Variants in ENTREP2 observed in about 807,000 individuals in gnomAD.
The protein encoded by ENTREP2 is protein ENTREP2.
At chr15:29,409,772 T>C in the ENTREP2 span, among the ~76,000 whole-genome samples, 1 of 152,130 alleles carries the variant, frequency 6.6e-6, no homozygotes, top group Non-Finnish European at 1.5e-5. Flanking sequence ...ATATTCTGTG[T>C]CTTTCGATGT....
At chr15:29,157,594 A>G in the ENTREP2 span, among the ~76,000 whole-genome samples, 2 of 152,198 alleles carry the variant, frequency 1.3e-5, no homozygotes, top group Non-Finnish European at 2.9e-5. Context: ...GCTTTAGCAC[A>G]TTTTTGAGCA....
the ENTREP2 span, among the ~76,000 whole-genome samples, chr15:29,665,669 C>T: frequency 6.6e-6 from 1 of 152,130 alleles, no homozygotes; most frequent in Non-Finnish European, 1.5e-5. Context: ...CCATTCCTCA[C>T]GCAGGCAGCA....
At chr15:29,444,187 AAAG>A in the ENTREP2 span, among the ~76,000 whole-genome samples, 3 of 92,460 alleles carry the variant, frequency 3.2e-5, no homozygotes, top group African/African-American at 1.3e-4. Flanking sequence ...AGAAAGAAAG[AAAG>A]AAAGAAAGAA....
At chr15:29,651,438 A>G in the ENTREP2 span, among the ~76,000 whole-genome samples, 1 of 152,222 alleles carries the variant, frequency 6.6e-6, no homozygotes, top group Non-Finnish European at 1.5e-5. Flanking sequence ...AGCTGCCAAG[A>G]TGCCAGCTGC....
chr15:29,295,589 A>G, the ENTREP2 span, among the ~76,000 whole-genome samples: 1 of 152,218 alleles, frequency 6.6e-6, no homozygotes, highest in East Asian at 1.9e-4. Context: ...TTAAGCAAAT[A>G]AGAGAATAAC....
At chr15:29,450,845 G>T in the ENTREP2 span, among the ~76,000 whole-genome samples, 3 of 152,154 alleles carry the variant, frequency 2.0e-5, no homozygotes, top group African/African-American at 7.2e-5. Flanking sequence ...GCAAATTAAT[G>T]CAGGAACAGA....
At chr15:29,673,137 C>T in the ENTREP2 span, among the ~76,000 whole-genome samples, 1 of 152,050 alleles carries the variant, frequency 6.6e-6, no homozygotes, top group African/African-American at 2.4e-5. Flanking sequence ...TTTTAGCATG[C>T]TAAACATTAT....
At chr15:29,325,561 T>C in the ENTREP2 span, among the ~76,000 whole-genome samples, 299 of 152,218 alleles carry the variant, frequency 2.0e-3, 2 homozygotes, top group African/African-American at 7.0e-3. Context: ...GAGAACTAGA[T>C]CGTCTGAACA....
the ENTREP2 span, among the ~76,000 whole-genome samples, chr15:29,372,120 G>A: frequency 1.3e-5 from 2 of 152,042 alleles, no homozygotes; most frequent in African/African-American, 4.8e-5. Flanking sequence ...AAATACAGTT[G>A]GTTCTTGAAC....
the ENTREP2 span, among the ~76,000 whole-genome samples, chr15:29,331,256 G>A: frequency 2.0e-5 from 3 of 152,178 alleles, no homozygotes; most frequent in Non-Finnish European, 4.4e-5. Context: ...AATAGCTGAC[G>A]TCTGTGCCGC....
At chr15:29,382,099 C>T in the ENTREP2 span, among the ~76,000 whole-genome samples, 2 of 152,208 alleles carry the variant, frequency 1.3e-5, no homozygotes, top group South Asian at 2.1e-4. Flanking sequence ...ACACCCCACC[C>T]TGGTCCTCGA....
At chr15:29,643,431 A>C in the ENTREP2 span, among the ~76,000 whole-genome samples, 2 of 152,106 alleles carry the variant, frequency 1.3e-5, no homozygotes. Context: ...ATGAGACGGC[A>C]CTTCACATCC....
chr15:29,660,081 C>T, the ENTREP2 span, among the ~76,000 whole-genome samples: 2 of 152,162 alleles, frequency 1.3e-5, no homozygotes, highest in Non-Finnish European at 2.9e-5. Flanking sequence ...GGATTTCAGG[C>T]GTGAGCCACC....
the ENTREP2 span, among the ~76,000 whole-genome samples, chr15:29,441,632 T>C: frequency 6.6e-6 from 1 of 152,160 alleles, no homozygotes; most frequent in African/African-American, 2.4e-5. Flanking sequence ...TAGACGATAT[T>C]TTTTTAATTC....
the ENTREP2 span, among the ~76,000 whole-genome samples, chr15:29,405,329 C>CA: frequency 1.3e-5 from 2 of 150,860 alleles, no homozygotes; most frequent in Non-Finnish European, 2.9e-5. Context: ...GTGGAGGTTG[C>CA]AGTGAGCCAA....
the ENTREP2 span, among the ~76,000 whole-genome samples, chr15:29,372,431 AAGGCTTCC>A: frequency 7.2e-5 from 11 of 152,214 alleles, no homozygotes; most frequent in Non-Finnish European, 1.3e-4. Flanking sequence ...TGTGATCAGT[AAGGCTTCC>A]AGTCGGCAGT....
chr15:29,313,912 C>T, the ENTREP2 span, among the ~76,000 whole-genome samples: 30 of 152,288 alleles, frequency 2.0e-4, no homozygotes, highest in Admixed American at 1.1e-3. Context: ...GTCAAAATAG[C>T]TACATTAACA....
the ENTREP2 span, among the ~76,000 whole-genome samples, chr15:29,217,011 G>C: frequency 2.6e-5 from 4 of 152,294 alleles, no homozygotes; most frequent in African/African-American, 9.6e-5. Context: ...GTTTAGGAAG[G>C]GGGGGTCTAG....
chr15:29,310,520 G>T, the ENTREP2 span, among the ~76,000 whole-genome samples: 1 of 152,198 alleles, frequency 6.6e-6, no homozygotes, highest in Non-Finnish European at 1.5e-5. Flanking sequence ...CCTGTCCTAA[G>T]TTAGACAGTC....
Sources: gnomAD v4.1 joint callset for allele counts (sites outside exome capture counted in the v4.1 genomes callset) on GRCh38, gnomAD v4.1.1 for gene constraint, MANE v1.5 for transcripts, NCBI Gene and HGNC (gene_info 2026-07-23, HGNC 2026-07-21) for gene names.